Variants in DSCAM observed in about 807,000 individuals in gnomAD.
The protein encoded by DSCAM is cell adhesion molecule DSCAM.
A neutral mutation model predicts 217.7 loss-of-function variants in DSCAM; 47 were observed. The observed-to-expected ratio is 0.22, with a 90% confidence interval of 0.17 to 0.28. The LOEUF is 0.28. DSCAM is among the 10% of genes least tolerant of loss of function. The pLI is 1.00. For missense variants in DSCAM, 2,080 were observed against 2,618.3 expected (o/e 0.79, Z 4.49); for synonymous variants, 1,056 against 1,015.3 (o/e 1.04, Z -0.76).
At chr21:40,548,860 A>G (rs891892743) in intron 3 of DSCAM, among the ~76,000 whole-genome samples, 2 of 152,336 alleles carry the variant, frequency 1.3e-5, no homozygotes, top group Middle Eastern at 3.4e-3. Context: ...AGAGTGGCCC[A>G]AAGAATTAAA....
intron 3 of DSCAM, among the ~76,000 whole-genome samples, chr21:40,459,282 G>T (rs2075787525): frequency 6.6e-6 from 1 of 152,116 alleles, no homozygotes; most frequent in Admixed American, 6.6e-5. Flanking sequence ...GAATCAGATA[G>T]TGATGAAATT....
intron 1 of DSCAM, among the ~76,000 whole-genome samples, chr21:40,807,986 A>T (rs6517616): frequency 6.6e-6 from 1 of 152,100 alleles, no homozygotes; most frequent in Non-Finnish European, 1.5e-5. Flanking sequence ...TCTGGGCCTA[A>T]GTACACATCT....
At chr21:40,332,916 C>T (rs1296063813) in intron 8 of DSCAM, among the ~76,000 whole-genome samples, 2 of 152,190 alleles carry the variant, frequency 1.3e-5, no homozygotes, top group Non-Finnish European at 2.9e-5. Flanking sequence ...CATCTAAACA[C>T]ATATGCACAC....
intron 3 of DSCAM, among the ~76,000 whole-genome samples, chr21:40,546,384 G>T (rs1401317427): frequency 6.6e-6 from 1 of 152,204 alleles, no homozygotes; most frequent in Non-Finnish European, 1.5e-5. Context: ...AAAGCAAACG[G>T]CAAAGTGGCC....
At position 40,693,113 on chromosome 21, in the gene DSCAM, C is replaced by T. The variant is rs188678806; in HGVS notation, c.362-157G>A. On this transcript the variant is annotated intron_variant, in intron 2 of 32. Transcript: ENST00000400454. ...GATGCCTACATTTCACGTCTTTCAT[C>T]GCCTGACTTAAGAAAACATTCATTC... 1.3e-4 allele frequency among the ~76,000 whole-genome samples: 20 copies of T among 152,310 alleles called. No individual in the cohort carries two copies. In the East Asian group the frequency reaches 1.9e-3, roughly 15 times the overall value.
intron 3 of DSCAM, among the ~76,000 whole-genome samples, chr21:40,459,980 A>G (rs1363098408): frequency 6.6e-6 from 1 of 152,214 alleles, no homozygotes; most frequent in African/African-American, 2.4e-5. Context: ...CTTTGCTGGG[A>G]CACAGATGGA....
At chr21:40,768,968 A>G (rs1204399556) in intron 1 of DSCAM, among the ~76,000 whole-genome samples, 1 of 152,240 alleles carries the variant, frequency 6.6e-6, no homozygotes, top group East Asian at 1.9e-4. Flanking sequence ...AAAGAGATGC[A>G]TATTGAAGAC....
At chr21:40,169,131 G>A (rs1408615807) in intron 15 of DSCAM, among the ~76,000 whole-genome samples, 4 of 152,154 alleles carry the variant, frequency 2.6e-5, no homozygotes, top group African/African-American at 4.8e-5. Context: ...AGGCTATGGA[G>A]TGAGTGGGGC....
chr21:40,426,701 T>C (rs1234532150), intron 3 of DSCAM, among the ~76,000 whole-genome samples: 1 of 152,158 alleles, frequency 6.6e-6, no homozygotes, highest in Admixed American at 6.5e-5. Context: ...GGCTGGAGCC[T>C]AGGAAAGAGG....
At chr21:40,703,318 C>A (rs868572904) in intron 2 of DSCAM, among the ~76,000 whole-genome samples, 1 of 152,150 alleles carries the variant, frequency 6.6e-6, no homozygotes, top group Admixed American at 6.5e-5. Flanking sequence ...GAGTTAGCGA[C>A]CATCCTGGGC....
chr21:40,327,162 AAG>A lies in DSCAM; in HGVS notation c.1783+10937_1783+10938del, dbSNP rs531098833. ...CACGGCATTATTTTTAGCACTGCCA[AAG>A]AGTTTTTCCCTGTGGTGTGTGCACA... On this transcript the variant is annotated intron_variant, in intron 8 of 32. Coordinates refer to ENST00000400454, the MANE Select transcript of DSCAM (RefSeq NM_001389.5). 1.6e-4 allele frequency among the ~76,000 whole-genome samples: 24 copies of A among 152,172 alleles called. No homozygotes were observed. In the East Asian group the frequency reaches 4.3e-3, roughly 27 times the overall value.
At chr21:40,654,804 A>G (rs1043796723) in intron 3 of DSCAM, among the ~76,000 whole-genome samples, 1 of 152,162 alleles carries the variant, frequency 6.6e-6, no homozygotes, top group South Asian at 2.1e-4. Context: ...CATGGTAATC[A>G]CATCTCCAGA....
chr21:40,052,210 AC>A (rs1262531340), intron 29 of DSCAM, 103 bp from the exon 30 acceptor site: 7 of 1,275,712 alleles, frequency 5.5e-6, no homozygotes, highest in Non-Finnish European at 7.6e-6. Context: ...GTTAATGACA[AC>A]CACAATAATA....
rs760454802 is a variant in DSCAM at position 40,078,470 on chromosome 21, G to T, written c.4711+217C>A. Reference sequence around the variant, plus strand: ...ATGACTCCCCAGTGAGACTCCCTATGGCCCTGAGTCTCTTATTTCTGGACA... The same window carrying T: ...ATGACTCCCCAGTGAGACTCCCTATTGCCCTGAGTCTCTTATTTCTGGACA... On this transcript the variant is annotated intron_variant, in intron 26 of 32. Transcript: ENST00000400454. Among the ~76,000 whole-genome samples, 5 of 152,158 alleles carry T rather than the reference G, an allele frequency of 3.3e-5. 1 individual carries two copies. Among genetic ancestry groups the T allele is most frequent in the Middle Eastern group, 6.3e-3 (2 of 316 alleles).
At chr21:40,398,049 G>A (rs2075198068) in intron 3 of DSCAM, among the ~76,000 whole-genome samples, 3 of 152,140 alleles carry the variant, frequency 2.0e-5, no homozygotes, top group Non-Finnish European at 4.4e-5. Context: ...TTGTAGTTTA[G>A]GAGGCTGTGC....
chr21:40,105,984 C>T (rs2089814737), intron 20 of DSCAM, among the ~76,000 whole-genome samples: 1 of 152,058 alleles, frequency 6.6e-6, no homozygotes, highest in Admixed American at 6.6e-5. Flanking sequence ...AGTGTATTAG[C>T]CCATTTTTAT....
Position 40,023,373 on chromosome 21 carries a change from G to T in DSCAM, c.5687-9987C>A, listed in dbSNP as rs571322612. ...TAGCAGCATGATTTATATTCCTTTGGGTATATACCCAGTAATGGGATGGCT... is the reference window on the plus strand; with the variant it reads ...TAGCAGCATGATTTATATTCCTTTGTGTATATACCCAGTAATGGGATGGCT... On this transcript the variant is annotated intron_variant, in intron 32 of 32. Transcript: ENST00000400454. 3.3e-5 allele frequency among the ~76,000 whole-genome samples: 5 copies of T among 151,878 alleles called. No individual in the cohort carries two copies. In the East Asian group the frequency reaches 9.7e-4, roughly 29 times the overall value.
At position 40,846,779 on chromosome 21, in the gene DSCAM, C is replaced by CCCGCCGCCG. The variant is rs41386156; in HGVS notation, c.-127_-119dup. On this transcript the variant is annotated 5_prime_UTR_variant, in exon 1 of 33. Transcript: ENST00000400454. The stretch of plus-strand genomic sequence containing the variant: ...CCCGGGGGCCGCCGCCCGCCCGCCG[C>CCCGCCGCCG]CCGCCGCCGCCGCCGCCGCTGCCTA... 3.3e-3 allele frequency: 1,022 copies of CCCGCCGCCG among 307,956 alleles called. 6 individuals are homozygous for CCCGCCGCCG. Among genetic ancestry groups the CCCGCCGCCG allele is most frequent in the African/African-American group, 0.021 (933 of 43,682 alleles). The allele number at this position is 307,956 out of a possible 1,614,324, so 19.1% of individuals were successfully genotyped here.
At chr21:40,225,785 C>T (rs372850574) in intron 11 of DSCAM, among the ~76,000 whole-genome samples, 273 of 152,254 alleles carry the variant, frequency 1.8e-3, no homozygotes, top group South Asian at 7.3e-3. Flanking sequence ...CTCAGAGCCT[C>T]GATTTGTGTG....
Sources: gnomAD v4.1 joint callset for allele counts (sites outside exome capture counted in the v4.1 genomes callset) on GRCh38, gnomAD v4.1.1 for gene constraint, MANE v1.5 for transcripts, NCBI Gene and HGNC (gene_info 2026-07-23, HGNC 2026-07-21) for gene names.